The following SENP5 variants were observed in gnomAD, a reference collection of about 807,000 sequenced individuals.
The protein encoded by SENP5 is sentrin-specific protease 5.
In SENP5, 21 loss-of-function variants were observed where a neutral mutation model predicts 74.2. That is an observed-to-expected ratio of 0.28 (90% CI 0.20 to 0.41). SENP5 has a LOEUF of 0.41. Ranked by LOEUF, SENP5 falls within the 10% of genes least tolerant of loss-of-function variation. The pLI is 1.00. For synonymous variants in SENP5, 311 were observed against 312.7 expected (o/e 0.99, Z 0.06); for missense variants, 717 against 889.1 (o/e 0.81, Z 2.46).
At position 196,886,389 on chromosome 3, in the gene SENP5, C is replaced by A; in HGVS notation, c.1208C>A (p.Thr403Lys). Reference protein sequence around the residue: ...EIMTLGQENQTSSVSDDRVKL... With the variant: ...EIMTLGQENQKSSVSDDRVKL... ...ATGACTCTGGGTCAGGAAAATCAGA[C>A]AAGTTCTGTCAGTGATGACAGAGTA... Residue 403 changes from threonine (T) to lysine (K), a missense_variant, in exon 2 of 10, where the codon ACA becomes AAA. Thr to Lys is a moderately conservative substitution (Grantham distance 78, BLOSUM62 -1). Around this residue, in one of 4 missense-constraint regions of SENP5, gnomAD observed 567 missense variants for 577.4 expected, o/e 0.98. Transcript: ENST00000323460. 1 of 1,612,588 alleles carries A rather than the reference C, an allele frequency of 6.2e-7. No individual in the cohort carries two copies. Among genetic ancestry groups the A allele is most frequent in the Non-Finnish European group, 8.5e-7 (1 of 1,179,142 alleles).
intron 1 of SENP5, among the ~76,000 whole-genome samples, chr3:196,878,374 G>A (rs550177868): frequency 1.1e-4 from 16 of 152,198 alleles, no homozygotes; most frequent in African/African-American, 3.1e-4. Flanking sequence ...AGTAGAAAAC[G>A]ATTATTATCT....
rs1267426777 is a variant in SENP5 at position 196,907,437 on chromosome 3, C to T, written c.1884+3827C>T. Among the ~76,000 whole-genome samples the T allele has an allele frequency of 5.3e-5, 7 of 132,488 alleles. No individual in the cohort carries two copies. In the East Asian group the frequency reaches 1.4e-3, roughly 27 times the overall value. 86.9% of individuals were successfully genotyped at this position (132,488 alleles called of 152,430 possible). ...CACCACTGCACTCCAGCCTGGGCGACAGAGAGACTCCGTCTCAAAAAAAAA... is the reference window on the plus strand; with the variant it reads ...CACCACTGCACTCCAGCCTGGGCGATAGAGAGACTCCGTCTCAAAAAAAAA... On this transcript the variant is annotated intron_variant, in intron 6 of 9. Transcript: ENST00000323460.
At chr3:196,902,277 A>T (rs571155158) in intron 5 of SENP5, among the ~76,000 whole-genome samples, 1 of 152,280 alleles carries the variant, frequency 6.6e-6, no homozygotes, top group East Asian at 1.9e-4. Context: ...CCACTGTGCT[A>T]CTATACCCAG....
chr3:196,929,751 G>C, intron 9 of SENP5, 68 bp downstream of exon 9: 1 of 1,057,140 alleles, frequency 9.5e-7, no homozygotes, highest in Non-Finnish European at 1.5e-6. Flanking sequence ...AGAGGGGAGA[G>C]ATGGCAGTTC....
intron 6 of SENP5, among the ~76,000 whole-genome samples, chr3:196,918,304 CA>C (rs34835074): frequency 7.6e-4 from 96 of 125,534 alleles, no homozygotes; most frequent in East Asian, 2.4e-3. Flanking sequence ...GAGACTCTGT[CA>C]AAAAAAAAAA....
At chr3:196,878,117 A>G (rs759557934) in intron 1 of SENP5, among the ~76,000 whole-genome samples, 1 of 152,244 alleles carries the variant, frequency 6.6e-6, no homozygotes, top group Non-Finnish European at 1.5e-5. Flanking sequence ...GACTAATGGC[A>G]ACTAATTCGC....
At chr3:196,896,263 C>G (rs1242412989) in intron 2 of SENP5, among the ~76,000 whole-genome samples, 1 of 152,150 alleles carries the variant, frequency 6.6e-6, no homozygotes, top group East Asian at 1.9e-4. Context: ...GGTGAAGAAC[C>G]AAGTTGTTTT....
chr3:196,872,099 G>A (rs1365951359), intron 1 of SENP5, among the ~76,000 whole-genome samples: 3 of 152,090 alleles, frequency 2.0e-5, no homozygotes, highest in Admixed American at 6.6e-5. Context: ...CGGTGGCTGC[G>A]CTGTGAACTT....
chr3:196,896,703 T>C (rs1714456229), intron 2 of SENP5, among the ~76,000 whole-genome samples: 1 of 152,176 alleles, frequency 6.6e-6, no homozygotes, highest in Non-Finnish European at 1.5e-5. Context: ...TCCACCCGCC[T>C]TCCAAAGTGC....
At chr3:196,912,896 A>G (rs1715194820) in intron 6 of SENP5, 1 of 152,192 alleles carries the variant, frequency 6.6e-6, no homozygotes, top group Non-Finnish European at 1.5e-5. Flanking sequence ...TGAAAATTGT[A>G]GAAATTTAAA....
intron 2 of SENP5, among the ~76,000 whole-genome samples, chr3:196,892,943 A>G (rs578103201): frequency 6.6e-6 from 1 of 152,262 alleles, no homozygotes; most frequent in East Asian, 1.9e-4. Flanking sequence ...TCATCCACTC[A>G]TGGGCATTGA....
At chr3:196,928,025 C>T (rs1715880633) in intron 8 of SENP5, 146 bp downstream of exon 8, 1 of 554,778 alleles carries the variant, frequency 1.8e-6, no homozygotes, top group African/African-American at 1.9e-5. Flanking sequence ...GAATGAACTT[C>T]AGTTGACTAT....
intron 3 of SENP5, 53 bp from the exon 4 acceptor site, chr3:196,899,871 T>G: frequency 6.3e-7 from 1 of 1,594,138 alleles, no homozygotes. Flanking sequence ...AGCAGTAAAT[T>G]GAGAAGTACT....
In SENP5 at chr3:196,929,290, C is replaced by T. The variant is rs554908110; in HGVS notation, c.2107-343C>T. 9.7e-5 allele frequency: 22 copies of T among 226,792 alleles called. No individual in the cohort carries two copies. In the East Asian group the frequency reaches 3.0e-3, roughly 31 times the overall value. The allele number at this position is 226,792 out of a possible 1,614,324, so 14.0% of individuals were successfully genotyped here. A position where few individuals can be genotyped will look rare whatever the true frequency, so the allele number is the denominator to read the frequency against. ...GCCATCCTAGCATCCAGAGGCTGGG[C>T]CTTTGTTCTCCCAGGCACAGTTCCA... On this transcript the variant is annotated intron_variant, in intron 8 of 9. Coordinates refer to ENST00000323460, the MANE Select transcript of SENP5 (RefSeq NM_152699.5).
intron 2 of SENP5, among the ~76,000 whole-genome samples, chr3:196,896,549 G>A (rs1714449651): frequency 6.6e-6 from 1 of 152,174 alleles, no homozygotes; most frequent in Admixed American, 6.5e-5. Flanking sequence ...CTGCCTCCCA[G>A]GTTCAAGCGA....
At chr3:196,926,688 G>C (rs959930423) in intron 7 of SENP5, among the ~76,000 whole-genome samples, 1 of 148,474 alleles carries the variant, frequency 6.7e-6, no homozygotes, top group Non-Finnish European at 1.5e-5. Flanking sequence ...CCCTGGGTTG[G>C]AGTGCAGTGG....
At chr3:196,929,989 A>AAC (rs202222659) in intron 9 of SENP5, among the ~76,000 whole-genome samples, 1 of 115,546 alleles carries the variant, frequency 8.7e-6, no homozygotes, top group Non-Finnish European at 2.1e-5. Flanking sequence ...CATTTGCATA[A>AAC]AAAAAAAAAA....
rs1715695950 is a variant in SENP5, at chr3:196,923,275, C to T, written c.1885-139C>T. 6 of 756,080 alleles carry T rather than the reference C, an allele frequency of 7.9e-6. No homozygotes were observed. The Admixed American group carries it at 1.4e-4, about 18-fold the overall frequency. 46.8% of individuals were successfully genotyped at this position (756,080 alleles called of 1,614,324 possible). A position where few individuals can be genotyped will look rare whatever the true frequency, so the allele number is the denominator to read the frequency against. On this transcript the variant is annotated intron_variant, in intron 6 of 9. Coordinates refer to ENST00000323460, the MANE Select transcript of SENP5 (RefSeq NM_152699.5). ...TACAAGCATGGGCTTAGAGTAAGAC[C>T]TGGGTTCAAATTCTGGTTCATTGCT... is the stretch of plus-strand genomic sequence containing the variant.
intron 1 of SENP5, among the ~76,000 whole-genome samples, chr3:196,880,801 C>T (rs1003531841): frequency 4.0e-5 from 6 of 151,654 alleles, no homozygotes; most frequent in African/African-American, 9.7e-5. Context: ...CCACCGTGCC[C>T]GGCTAATGTT....
Sources: allele counts gnomAD v4.1 joint callset (sites outside exome capture counted in the v4.1 genomes callset), GRCh38; gene constraint gnomAD v4.1.1; regional missense constraint gnomAD v4.1.1; transcripts MANE v1.5; gene names NCBI Gene and HGNC (gene_info 2026-07-23, HGNC 2026-07-21).